The following FAM120B variants were observed in gnomAD, a reference collection of about 807,000 sequenced individuals.
FAM120B encodes constitutive coactivator of peroxisome proliferator-activated receptor gamma.
FAM120B carries 83 observed loss-of-function variants against 96.3 expected under a neutral mutation model. The ratio of observed to expected loss-of-function variants is 0.86; its 90% CI spans 0.72 to 1.03. FAM120B has a LOEUF of 1.03. FAM120B is among the 50% of genes least tolerant of loss of function. FAM120B has a pLI of 0.00. For synonymous variants in FAM120B, 407 were observed against 402.7 expected, an observed-to-expected ratio of 1.01 and a Z score of -0.13; for missense variants, 1,027 against 1,121.2, an observed-to-expected ratio of 0.92 and a Z score of 1.20.
chr6:170,361,218 A>ATATATATATG lies in FAM120B; in HGVS notation c.2283+2909_2283+2910insGTATATATAT, dbSNP rs1554286342. On this transcript the variant is annotated intron_variant, in intron 6 of 10. Coordinates refer to ENST00000476287, the MANE Select transcript of FAM120B (RefSeq NM_032448.3). ...TACGTGTATATATATATATATATAT[A>ATATATATATG]TATATATATATATATATACACGTAT... Among the ~76,000 whole-genome samples, 6 of 108,878 alleles carry ATATATATATG rather than the reference A, an allele frequency of 5.5e-5. 1 individual carries two copies. The highest frequency in any genetic ancestry group is 2.1e-4 in the African/African-American group (6 of 29,246). 71.4% of individuals were successfully genotyped at this position (108,878 alleles called of 152,430 possible). A position where few individuals can be genotyped will look rare whatever the true frequency, so the allele number is the denominator to read the frequency against.
intron 6 of FAM120B, among the ~76,000 whole-genome samples, chr6:170,375,594 A>C (rs1346087327): frequency 6.6e-6 from 1 of 152,236 alleles, no homozygotes; most frequent in Non-Finnish European, 1.5e-5. Context: ...TCAGTATATC[A>C]TGTTCTGATA....
chr6:170,353,253 A>G (rs957345103), intron 5 of FAM120B, among the ~76,000 whole-genome samples: 7 of 152,222 alleles, frequency 4.6e-5, no homozygotes, highest in Admixed American at 4.6e-4. Flanking sequence ...GCAATAATAA[A>G]TAGCTTACCA....
intron 7 of FAM120B, 62 bp from the exon 8 acceptor site, chr6:170,390,951 A>G: frequency 7.3e-7 from 1 of 1,379,144 alleles, no homozygotes; most frequent in South Asian, 1.2e-5. Flanking sequence ...TTCCAGCCAC[A>G]TCTGGCCCTA....
At chr6:170,296,883 C>G (rs1784025557) in intron 1 of FAM120B, among the ~76,000 whole-genome samples, 1 of 152,196 alleles carries the variant, frequency 6.6e-6, no homozygotes, top group Non-Finnish European at 1.5e-5. Context: ...AAATCGCAGC[C>G]TGTGACTTTG....
At chr6:170,400,843 G>A (rs539378720) in intron 9 of FAM120B, among the ~76,000 whole-genome samples, 1 of 152,186 alleles carries the variant, frequency 6.6e-6, no homozygotes, top group Non-Finnish European at 1.5e-5. Flanking sequence ...GGCCTGGCGG[G>A]AGCAGAGCCA....
chr6:170,308,384 T>C (rs189117352), intron 1 of FAM120B, among the ~76,000 whole-genome samples: 343 of 152,272 alleles, frequency 2.3e-3, no homozygotes, highest in African/African-American at 7.7e-3. Context: ...AGTTTTTTTG[T>C]TTGGTTTCTA....
chr6:170,404,673 C>A, intron 10 of FAM120B, 72 bp downstream of exon 10: 2 of 1,199,336 alleles, frequency 1.7e-6, no homozygotes, highest in Non-Finnish European at 2.5e-6. Context: ...TCTTCCATAT[C>A]AAGTACCAAA....
At chr6:170,351,216 C>G (rs948598657) in intron 5 of FAM120B, among the ~76,000 whole-genome samples, 2 of 152,064 alleles carry the variant, frequency 1.3e-5, no homozygotes, top group Admixed American at 1.3e-4. Flanking sequence ...GACTATCTTT[C>G]TGAATTAAGA....
chr6:170,347,524 A>G (rs779935897), intron 4 of FAM120B, among the ~76,000 whole-genome samples: 1 of 152,224 alleles, frequency 6.6e-6, no homozygotes, highest in Non-Finnish European at 1.5e-5. Flanking sequence ...TAAAAATTAC[A>G]TTTTAGGAAT....
intron 6 of FAM120B, among the ~76,000 whole-genome samples, chr6:170,361,187 TATATATAC>T (rs1788343500): frequency 1.9e-5 from 2 of 107,830 alleles, no homozygotes. Context: ...TAAAACTATA[TATATATAC>T]GTGTATATAT....
chr6:170,341,153 A>G (rs759003047), intron 4 of FAM120B, among the ~76,000 whole-genome samples: 7 of 152,116 alleles, frequency 4.6e-5, no homozygotes, highest in Non-Finnish European at 7.4e-5. Flanking sequence ...TGGGAGTTTT[A>G]TCTATAAGCC....
In FAM120B at chr6:170,317,548, A is replaced by T. The variant is rs1188902620; in HGVS notation, c.158A>T (p.Tyr53Phe). ...VDAMCCLRYW[Y>F]TPESWICGGQ... ...GCCATGTGTTGTCTCAGATATTGGTATACTCCAGAATCTTGGATCTGCGGT... is the reference window on the plus strand; with the variant it reads ...GCCATGTGTTGTCTCAGATATTGGTTTACTCCAGAATCTTGGATCTGCGGT... Residue 53 changes from tyrosine (Y) to phenylalanine (F), a missense_variant, in exon 2 of 11, where the codon TAT becomes TTT. By Grantham distance (22) the Tyr-to-Phe change is conservative. This residue lies in a region of FAM120B where 880 missense variants were observed against 980.9 expected (regional missense o/e 0.90). Coordinates refer to ENST00000476287, the MANE Select transcript of FAM120B (RefSeq NM_032448.3). 6.2e-7 allele frequency: 1 copy of T among 1,614,076 alleles called. No individual in the cohort carries two copies. Among genetic ancestry groups the T allele is most frequent in the Non-Finnish European group, 8.5e-7 (1 of 1,180,038 alleles).
rs996899069 is a variant in FAM120B, at chr6:170,398,559, A to G, written c.2692+2980A>G. ...ACTCTTAGGAGTGAGTGAGAAAGGT[A>G]GAACTATGTCATAAGCCTTAGGAGT... is the stretch of plus-strand genomic sequence containing the variant. On this transcript the variant is annotated intron_variant, in intron 9 of 10. Coordinates refer to ENST00000476287, the MANE Select transcript of FAM120B (RefSeq NM_032448.3). Among the ~76,000 whole-genome samples the G allele has an allele frequency of 7.5e-4, 107 of 141,772 alleles. 2 individuals carry two copies. The highest frequency in any genetic ancestry group is 2.8e-3 in the African/African-American group (101 of 36,214). 93.0% of individuals were successfully genotyped at this position (141,772 alleles called of 152,430 possible).
At chr6:170,321,470 C>T (rs1785281788) in intron 2 of FAM120B, among the ~76,000 whole-genome samples, 1 of 152,146 alleles carries the variant, frequency 6.6e-6, no homozygotes, top group Admixed American at 6.5e-5. Context: ...CTCTGCCTCC[C>T]AGGTTCAAGC....
At chr6:170,385,108 A>C (rs1282859708) in intron 6 of FAM120B, among the ~76,000 whole-genome samples, 2 of 152,254 alleles carry the variant, frequency 1.3e-5, no homozygotes, top group African/African-American at 4.8e-5. Context: ...AGCAAGCTTC[A>C]GCAAATTTCA....
At position 170,295,385 on chromosome 6, in the gene FAM120B, G is replaced by C. The variant is rs750775273; in HGVS notation, c.-21G>C. 2 of 701,246 alleles carry C rather than the reference G, an allele frequency of 2.9e-6. No individual in the cohort carries two copies. The highest frequency in any genetic ancestry group is 3.0e-5 in the South Asian group (2 of 67,318). 43.4% of individuals were successfully genotyped at this position (701,246 alleles called of 1,614,324 possible). A position where few individuals can be genotyped will look rare whatever the true frequency, so the allele number is the denominator to read the frequency against. ...ATCGTTCGTCACAGCCTGGAAAAGG[G>C]AGGGGGCATCGATCTGGTTTATGTT... On this transcript the variant is annotated 5_prime_UTR_variant, in exon 1 of 11. Transcript: ENST00000537664. This position sits in a 1 kb window ranked among gnomAD's most constrained non-coding sequence, Gnocchi z 7.8.
chr6:170,303,544 A>G (rs541828002), upstream of FAM120B, among the ~76,000 whole-genome samples: 1 of 152,330 alleles, frequency 6.6e-6, no homozygotes, highest in African/African-American at 2.4e-5. Context: ...GCCCGGCCTT[A>G]TGCTCATATT....
chr6:170,339,342 G>A (rs1786656348), intron 4 of FAM120B, among the ~76,000 whole-genome samples: 1 of 151,970 alleles, frequency 6.6e-6, no homozygotes, highest in Admixed American at 6.6e-5. Flanking sequence ...GAAGTTTTAA[G>A]GGATGTCAGT....
intron 6 of FAM120B, among the ~76,000 whole-genome samples, chr6:170,366,858 C>T (rs544635288): frequency 1.9e-4 from 29 of 152,136 alleles, no homozygotes; most frequent in African/African-American, 4.1e-4. Flanking sequence ...ACACACTCAC[C>T]GCCCTGCCCA....
Sources: gnomAD v4.1 joint callset for allele counts (sites outside exome capture counted in the v4.1 genomes callset) on GRCh38, gnomAD v4.1.1 for gene constraint, gnomAD v4.1.1 regional missense constraint, Gnocchi (gnomAD v3.1) non-coding constraint, MANE v1.5 for transcripts, NCBI Gene and HGNC (gene_info 2026-07-23, HGNC 2026-07-21) for gene names.